The following RAD51B variants were observed in gnomAD, a reference collection of about 807,000 sequenced individuals.
RAD51B encodes the protein DNA repair protein RAD51 homolog 2.
A neutral mutation model predicts 42.2 loss-of-function variants in RAD51B; 38 were observed. That is an observed-to-expected ratio of 0.90 (90% confidence interval 0.70 to 1.18). RAD51B has a LOEUF of 1.18. RAD51B is among the 50% of genes most tolerant of loss of function. The pLI is 0.00. For synonymous variants in RAD51B, 154 were observed against 145.2 expected (o/e 1.06, Z -0.43); for missense variants, 373 against 400.7 (o/e 0.93, Z 0.59).
intron 8 of RAD51B, among the ~76,000 whole-genome samples, chr14:68,308,723 A>AAG (rs398025513): frequency 1.3e-5 from 2 of 148,842 alleles, no homozygotes; most frequent in Non-Finnish European, 3.0e-5. Flanking sequence ...AAAAAAAAAA[A>AAG]GGGCTGTTTG....
At chr14:68,673,099 C>G (rs547002916) in intron 11 of RAD51B, among the ~76,000 whole-genome samples, 97 of 152,318 alleles carry the variant, frequency 6.4e-4, no homozygotes, top group South Asian at 1.9e-3. Flanking sequence ...CCTGTAGTCA[C>G]TTTAGGCCCA....
At chr14:68,376,350 G>T (rs575611689) in intron 8 of RAD51B, among the ~76,000 whole-genome samples, 3 of 152,170 alleles carry the variant, frequency 2.0e-5, no homozygotes, top group Non-Finnish European at 2.9e-5. Context: ...GCAGTATTTA[G>T]TTGAGCACCT....
chr14:68,355,777 T>G (rs2082886599), intron 8 of RAD51B, among the ~76,000 whole-genome samples: 1 of 152,256 alleles, frequency 6.6e-6, no homozygotes, highest in South Asian at 2.1e-4. Context: ...AATGTGCATA[T>G]TATACTTCCA....
intron 7 of RAD51B, among the ~76,000 whole-genome samples, chr14:68,058,881 A>C (rs1170164339): frequency 6.6e-6 from 1 of 152,204 alleles, no homozygotes; most frequent in Non-Finnish European, 1.5e-5. Context: ...ACACATAGGC[A>C]TATTCTTTTG....
At position 68,463,777 on chromosome 14, in the gene RAD51B, C is replaced by G. The variant is rs938025702; in HGVS notation, c.958-4395C>G. Among the ~76,000 whole-genome samples, 3 of 152,106 alleles carry G rather than the reference C, an allele frequency of 2.0e-5. No homozygotes were observed. The East Asian group carries it at 5.8e-4, about 29-fold the overall frequency. Reference sequence around the variant, plus strand: ...GTTTGTGGTCATTGATTGCTTTGGGCCTCTAACCACCTTCTTGTTTGTCAT... The same window carrying G: ...GTTTGTGGTCATTGATTGCTTTGGGGCTCTAACCACCTTCTTGTTTGTCAT... On this transcript the variant is annotated intron_variant, in intron 9 of 10. Transcript: ENST00000471583.
At chr14:68,080,295 G>C (rs1022826374) in intron 7 of RAD51B, among the ~76,000 whole-genome samples, 8 of 152,106 alleles carry the variant, frequency 5.3e-5, no homozygotes, top group Non-Finnish European at 8.8e-5. Flanking sequence ...TTTATTTTCT[G>C]TCCATACTTC....
At chr14:67,994,387 T>G (rs2075347519) in intron 7 of RAD51B, among the ~76,000 whole-genome samples, 2 of 152,218 alleles carry the variant, frequency 1.3e-5, no homozygotes, top group African/African-American at 4.8e-5. Context: ...AAATGAATAG[T>G]TGAACATATT....
chr14:68,238,972 A>G (rs1363939969), intron 7 of RAD51B, among the ~76,000 whole-genome samples: 1 of 152,236 alleles, frequency 6.6e-6, no homozygotes, highest in Admixed American at 6.5e-5. Flanking sequence ...AACCACTATC[A>G]GGAGACACTA....
Position 67,940,454 on chromosome 14 carries a change from A to G in RAD51B, c.756+53250A>G, listed in dbSNP as rs75383658. Among the ~76,000 whole-genome samples, 6 of 152,222 alleles carry G rather than the reference A, an allele frequency of 3.9e-5. No homozygotes were observed. The East Asian group carries it at 7.7e-4, about 20-fold the overall frequency. ...AAAACTGAACTCACCCAGCTAGCCA[A>G]ACTATCTCTCTGTTGTCTTTCCACT... is the stretch of plus-strand genomic sequence containing the variant. On this transcript the variant is annotated intron_variant, in intron 7 of 10. Transcript: ENST00000471583.
intron 7 of RAD51B, among the ~76,000 whole-genome samples, chr14:68,134,835 G>T (rs2140695740): frequency 6.6e-6 from 1 of 150,826 alleles, no homozygotes; most frequent in Admixed American, 6.6e-5. Flanking sequence ...CAAGTTCTTT[G>T]TCTGATATAT....
At chr14:68,300,352 T>C (rs879777564) in intron 8 of RAD51B, among the ~76,000 whole-genome samples, 5 of 152,028 alleles carry the variant, frequency 3.3e-5, no homozygotes, top group Non-Finnish European at 5.9e-5. Context: ...ACTACAGGCA[T>C]GCACCACCAT....
intron 8 of RAD51B, among the ~76,000 whole-genome samples, chr14:68,318,181 C>T (rs1037475651): frequency 2.0e-5 from 3 of 152,206 alleles, no homozygotes; most frequent in Non-Finnish European, 4.4e-5. Context: ...TTGACCAGCA[C>T]GTAATTTGTG....
chr14:68,587,521 C>A (rs909017592), intron 10 of RAD51B, among the ~76,000 whole-genome samples: 3 of 152,168 alleles, frequency 2.0e-5, no homozygotes, highest in Non-Finnish European at 4.4e-5. Context: ...GAGCTTGGCC[C>A]TGGAGAAGCA....
chr14:68,086,849 C>T (rs1361398941), intron 7 of RAD51B, among the ~76,000 whole-genome samples: 2 of 152,030 alleles, frequency 1.3e-5, no homozygotes, highest in African/African-American at 2.4e-5. Flanking sequence ...TTAAAAGATG[C>T]CTGGGGCCAG....
In RAD51B at chr14:68,577,037, C is replaced by T. The variant is rs1369533779; in HGVS notation, c.1037-17448C>T. ...GCCAGGGTCTGTCAGAACACAAGAC[C>T]AATGTCTTCTCCAAAACTTGGATGA... On this transcript the variant is annotated intron_variant, in intron 10 of 10. Transcript: ENST00000487270. Among the ~76,000 whole-genome samples the T allele has an allele frequency of 2.6e-5, 4 of 152,150 alleles. No homozygotes were observed. In the East Asian group the frequency reaches 7.7e-4, roughly 29 times the overall value.
chr14:67,859,703 T>A (rs966607517), intron 4 of RAD51B, among the ~76,000 whole-genome samples: 1 of 152,186 alleles, frequency 6.6e-6, no homozygotes, highest in African/African-American at 2.4e-5. Context: ...TTTAAAAGCA[T>A]CTTTTGTGTT....
chr14:67,959,062 T>C (rs1316366268), intron 7 of RAD51B, among the ~76,000 whole-genome samples: 1 of 152,240 alleles, frequency 6.6e-6, no homozygotes, highest in Non-Finnish European at 1.5e-5. Context: ...TTTTTTGTAT[T>C]AACCCATTAT....
At chr14:68,206,220 A>T (rs1220770728) in intron 7 of RAD51B, among the ~76,000 whole-genome samples, 3 of 152,178 alleles carry the variant, frequency 2.0e-5, no homozygotes, top group African/African-American at 7.2e-5. Flanking sequence ...TCCTTGAGTT[A>T]TCACATCTGC....
intron 7 of RAD51B, among the ~76,000 whole-genome samples, chr14:67,897,576 A>G (rs1837153290): frequency 6.6e-6 from 1 of 152,128 alleles, no homozygotes; most frequent in Non-Finnish European, 1.5e-5. Context: ...ACATCGCTTA[A>G]TACGGTTATT....
Sources: allele counts gnomAD v4.1 joint callset (sites outside exome capture counted in the v4.1 genomes callset), GRCh38; gene constraint gnomAD v4.1.1; transcripts MANE v1.5; gene names NCBI Gene and HGNC (gene_info 2026-07-23, HGNC 2026-07-21).